MYOF: variants seen among roughly 807,000 people sequenced by gnomAD.
MYOF encodes fer-1-like 3, myoferlin.
In MYOF, 244 loss-of-function variants were observed where a neutral mutation model predicts 284.2. That is an observed-to-expected ratio of 0.86 (90% confidence interval 0.77 to 0.95). MYOF has a LOEUF of 0.95. Among genes scored for constraint, MYOF ranks in the 40% least tolerant of loss-of-function variants. The pLI is 0.00. For synonymous variants in MYOF, 904 were observed against 919.7 expected (o/e 0.98, Z 0.31); for missense variants, 2,496 against 2,560.6 (o/e 0.97, Z 0.54).
chr10:93,333,432 G>A, intron 42 of MYOF, 120 bp from the exon 43 acceptor site: 1 of 863,900 alleles, frequency 1.2e-6, no homozygotes, highest in Non-Finnish European at 1.9e-6. Flanking sequence ...TGGCCGCCAT[G>A]GCACCCCGTG....
intron 3 of MYOF, among the ~76,000 whole-genome samples, chr10:93,445,032 A>C (rs1477646688): frequency 1.3e-5 from 2 of 152,210 alleles, no homozygotes; most frequent in Admixed American, 6.5e-5. Context: ...AAATGCTTAA[A>C]ATTTTTACCT....
In MYOF at chr10:93,369,633, C is replaced by T. The variant is rs369596944; in HGVS notation, c.2589+12G>A. The T allele has an allele frequency of 3.2e-5, 52 of 1,613,756 alleles. No homozygotes were observed. Among genetic ancestry groups the T allele is most frequent in the Non-Finnish European group, 4.3e-5 (51 of 1,179,882 alleles). On this transcript the variant is annotated intron_variant, in intron 25 of 53. Coordinates refer to ENST00000359263, the MANE Select transcript of MYOF (RefSeq NM_013451.4). ...ACCAAAGAAGAAAAGATAGTGAAATCATTAAAGGTACCATTTCAGCAAAGA... is the reference window on the plus strand; with the variant it reads ...ACCAAAGAAGAAAAGATAGTGAAATTATTAAAGGTACCATTTCAGCAAAGA...
At chr10:93,361,166 C>T (rs901781840) in intron 28 of MYOF, among the ~76,000 whole-genome samples, 1 of 152,196 alleles carries the variant, frequency 6.6e-6, no homozygotes, top group African/African-American at 2.4e-5. Flanking sequence ...AGACCCCTCT[C>T]ACGTGCAGTT....
intron 36 of MYOF, 69 bp downstream of exon 36, chr10:93,349,739 G>C (rs1183150609): frequency 6.5e-7 from 1 of 1,531,064 alleles, no homozygotes; most frequent in African/African-American, 1.4e-5. Context: ...GTGTTTGTGT[G>C]TGTGTGTGTG....
intron 4 of MYOF, among the ~76,000 whole-genome samples, chr10:93,430,969 CTTTTCTT>C: frequency 6.6e-6 from 1 of 150,450 alleles, no homozygotes; most frequent in Admixed American, 6.6e-5. Flanking sequence ...TTTTCCTTTT[CTTTTCTT>C]TTTTCTTTTT....
At chr10:93,354,672 TC>T (rs1844707813) in intron 31 of MYOF, among the ~76,000 whole-genome samples, 1 of 148,484 alleles carries the variant, frequency 6.7e-6, no homozygotes, top group Non-Finnish European at 1.5e-5. Flanking sequence ...ATTCACTCTC[TC>T]TCTCTCTCTC....
intron 3 of MYOF, among the ~76,000 whole-genome samples, chr10:93,432,221 C>G (rs1036699645): frequency 2.6e-5 from 4 of 151,900 alleles, no homozygotes; most frequent in Non-Finnish European, 5.9e-5. Context: ...GACCCCATCT[C>G]TACAAAAAGT....
chr10:93,378,225 T>A (rs1392157933), intron 21 of MYOF, among the ~76,000 whole-genome samples: 2 of 152,100 alleles, frequency 1.3e-5, no homozygotes, highest in African/African-American at 4.8e-5. Context: ...CTGTCAAAAG[T>A]CCTAATCAGG....
At position 93,310,085 on chromosome 10, in the gene MYOF, T is replaced by C. The variant is rs765581115; in HGVS notation, c.6082A>G (p.Ile2028Val). Residue 2028 changes from isoleucine to valine, a missense_variant, in exon 53 of 54, where the codon ATC becomes GTC. Physicochemically the swap from Ile to Val is conservative, Grantham distance 29 (BLOSUM62 3). This residue lies in a region of MYOF where 2,436 missense variants were observed against 2,480.7 expected (regional missense o/e 0.98). Coordinates refer to ENST00000359263, the MANE Select transcript of MYOF (RefSeq NM_013451.4). Reference sequence around the variant, plus strand: ...ATAAGCAGGAACAGCAAGCCGATGATGACCCACTTAAAGCGGCGCCACACG... The same window carrying C: ...ATAAGCAGGAACAGCAAGCCGATGACGACCCACTTAAAGCGGCGCCACACG... ...FIVWRRFKWV[I>V]IGLLFLLILL... The C allele has an allele frequency of 3.1e-6, 5 of 1,614,118 alleles. No homozygotes were observed. The highest frequency in any genetic ancestry group is 3.3e-4 in the Middle Eastern group (2 of 6,062).
rs186620633 is a variant in MYOF at position 93,432,410 on chromosome 10, A to G, written c.237-894T>C. 4.8e-3 allele frequency among the ~76,000 whole-genome samples: 728 copies of G among 152,238 alleles called. 4 individuals are homozygous for G. The highest frequency in any genetic ancestry group is 0.023 in the South Asian group (112 of 4,826). On this transcript the variant is annotated intron_variant, in intron 3 of 53. Transcript: ENST00000359263. ...TCAAAAAAAAAGAAAAAGAAAAAAG[A>G]AAGACTAAATATAGCACCCCACTAC...
intron 53 of MYOF, among the ~76,000 whole-genome samples, chr10:93,307,414 C>T (rs1842161326): frequency 6.6e-6 from 1 of 151,878 alleles, no homozygotes; most frequent in Non-Finnish European, 1.5e-5. Context: ...CATTCTCCTG[C>T]CTCAGCCTCC....
Position 93,369,110 on chromosome 10 carries a change from C to CTTTTTTTTTTTTTTTTT in MYOF, c.2589+518_2589+534dup, listed in dbSNP as rs66923086. Among the ~76,000 whole-genome samples the CTTTTTTTTTTTTTTTTT allele has an allele frequency of 5.0e-4, 39 of 78,314 alleles. 6 individuals carry two copies. The highest frequency in any genetic ancestry group is 2.3e-3 in the African/African-American group (36 of 15,450). The allele number at this position is 78,314 out of a possible 152,430, so 51.4% of individuals were successfully genotyped here. The stretch of plus-strand genomic sequence containing the variant: ...TATTGTTTTAGAAGTATTCAGACAG[C>CTTTTTTTTTTTTTTTTT]TTTTTTTTTTTTTTTTTTTTTTGCC... On this transcript the variant is annotated intron_variant, in intron 25 of 53. Coordinates refer to ENST00000359263, the MANE Select transcript of MYOF (RefSeq NM_013451.4).
intron 5 of MYOF, among the ~76,000 whole-genome samples, chr10:93,423,819 C>A (rs1413491468): frequency 1.3e-5 from 2 of 150,886 alleles, no homozygotes; most frequent in Non-Finnish European, 3.0e-5. Flanking sequence ...GGCGACAGAG[C>A]CAGACTCTGT....
chr10:93,392,529 C>T (rs1846748650), intron 17 of MYOF, among the ~76,000 whole-genome samples: 1 of 152,178 alleles, frequency 6.6e-6, no homozygotes. Flanking sequence ...CAGTATTTTT[C>T]AACCTAGAGA....
Position 93,452,064 on chromosome 10 carries a change from T to G in MYOF, c.222A>C (p.Thr74=). The G allele has an allele frequency of 6.2e-7, 1 of 1,611,538 alleles. No homozygotes were observed. Among genetic ancestry groups the G allele is most frequent in the East Asian group, 2.2e-5 (1 of 44,848 alleles). ...SLGIIVKDFE[T]IGQNKLIGTA... The stretch of plus-strand genomic sequence containing the variant: ...AAACAACTTACTTATTTTGTCCAAT[T>G]GTCTCAAAATCTTTCACAATAATCC... The change falls in exon 3 of 54, where the codon ACA becomes ACC. Residue 74 remains threonine, a synonymous_variant. Transcript: ENST00000359263.
Position 93,320,008 on chromosome 10 carries a change from A to G in MYOF, c.5462T>C (p.Ile1821Thr). Residue 1821 changes from isoleucine (I) to threonine (T), a missense_variant, in exon 49 of 54, where the codon ATT becomes ACT. Ile to Thr is a moderately conservative substitution (Grantham distance 89). This residue lies in a region of MYOF where 2,436 missense variants were observed against 2,480.7 expected (regional missense o/e 0.98). Transcript: ENST00000359263. ...CTGTTTGTTTTCTTCATTGCCAGGA[A>G]TCCAGCTGAAAGGCAGAGGCAAACA... ...EMSDIYVKGW[I>T]PGNEENKQKT... 2 of 1,614,190 alleles carry G rather than the reference A, an allele frequency of 1.2e-6. No individual in the cohort carries two copies. Among genetic ancestry groups the G allele is most frequent in the Non-Finnish European group, 1.7e-6 (2 of 1,180,006 alleles).
At chr10:93,351,342 A>G (rs759658382) in intron 34 of MYOF, 47 bp from the exon 35 acceptor site, 14 of 1,608,962 alleles carry the variant, frequency 8.7e-6, no homozygotes, top group Middle Eastern at 1.7e-4. Flanking sequence ...TAGTTCAAGC[A>G]AACAGTGCCT....
intron 43 of MYOF, among the ~76,000 whole-genome samples, chr10:93,332,226 A>T (rs1441303608): frequency 2.0e-5 from 3 of 147,720 alleles, no homozygotes; most frequent in Non-Finnish European, 1.5e-5. Flanking sequence ...TCATTCTTTT[A>T]TTTTTTTTTT....
At chr10:93,458,307 C>G (rs1406369926) in intron 1 of MYOF, among the ~76,000 whole-genome samples, 6 of 152,024 alleles carry the variant, frequency 3.9e-5, no homozygotes, top group Non-Finnish European at 8.8e-5. Context: ...GAGCCAAGAT[C>G]ACACCACTGC....
Sources: gnomAD v4.1 joint callset for allele counts (sites outside exome capture counted in the v4.1 genomes callset) on GRCh38, gnomAD v4.1.1 for gene constraint, gnomAD v4.1.1 regional missense constraint, MANE v1.5 for transcripts, NCBI Gene and HGNC (gene_info 2026-07-23, HGNC 2026-07-21) for gene names.